RBFOX1: variants seen among roughly 807,000 people sequenced by gnomAD.
RBFOX1 encodes the protein RNA binding fox-1 homolog 1, also known as RNA binding protein fox-1 homolog 1.
In RBFOX1, 8 loss-of-function variants were observed where a neutral mutation model predicts 57.7. That is an observed-to-expected ratio of 0.14 (90% CI 0.08 to 0.25). The LOEUF (loss-of-function observed/expected upper bound fraction) is 0.25, where lower values mean the gene tolerates loss of function less well. Among genes scored for constraint, RBFOX1 ranks in the 10% least tolerant of loss-of-function variants. The probability of loss-of-function intolerance (pLI) is 1.00; values close to 1 mark genes in which losing one functional copy is unlikely to be tolerated. For missense variants in RBFOX1, 611 were observed against 548.5 expected (o/e 1.11, Z -1.14); for synonymous variants, 326 against 222.4 (o/e 1.47, Z -4.15).
chr16:7,190,109 C>G (rs957657817), intron 4 of RBFOX1, among the ~76,000 whole-genome samples: 2 of 152,156 alleles, frequency 1.3e-5, no homozygotes, highest in Non-Finnish European at 2.9e-5. Context: ...TCCTGTAATC[C>G]CAGAACTTTG....
At chr16:5,571,101 A>G (rs948203247) in intron 2 of RBFOX1, among the ~76,000 whole-genome samples, 1 of 151,144 alleles carries the variant, frequency 6.6e-6, no homozygotes, top group Non-Finnish European at 1.5e-5. Context: ...TCCCCTGATC[A>G]CTCCCCCAGC....
At chr16:5,273,126 G>C (rs1460338127) in intron 1 of RBFOX1, among the ~76,000 whole-genome samples, 1 of 152,106 alleles carries the variant, frequency 6.6e-6, no homozygotes, top group Non-Finnish European at 1.5e-5. Flanking sequence ...GGTTTCCAGT[G>C]CCAGCTTGTT....
rs548162081 is a variant in RBFOX1 at position 5,593,534 on chromosome 16, A to T, written c.259-5368A>T. On this transcript the variant is annotated intron_variant, in intron 2 of 2. Coordinates refer to the RBFOX1 transcript ENST00000585867. ...TCTGATAAAACAGTTTGCAGTGGAGAAGTTGGCCAAAACCCACCAAAACCA... is the reference window on the plus strand; with the variant it reads ...TCTGATAAAACAGTTTGCAGTGGAGTAGTTGGCCAAAACCCACCAAAACCA... Among the ~76,000 whole-genome samples the T allele has an allele frequency of 2.6e-5, 4 of 152,282 alleles. No homozygotes were observed. In the East Asian group the frequency reaches 7.7e-4, roughly 29 times the overall value.
chr16:7,214,737 A>G (rs1251271618), intron 4 of RBFOX1, among the ~76,000 whole-genome samples: 1 of 151,984 alleles, frequency 6.6e-6, no homozygotes, highest in Non-Finnish European at 1.5e-5. Flanking sequence ...TTTGCTCTCC[A>G]GCCTAATTTT....
At chr16:6,775,947 C>G (rs568053066) in intron 3 of RBFOX1, 1 of 152,316 alleles carries the variant, frequency 6.6e-6, no homozygotes, top group East Asian at 1.9e-4. Context: ...GAATGGCTAA[C>G]CAGGGATTGT....
intron 3 of RBFOX1, among the ~76,000 whole-genome samples, chr16:6,804,499 G>T (rs1256886929): frequency 6.6e-6 from 1 of 152,094 alleles, no homozygotes; most frequent in Non-Finnish European, 1.5e-5. Context: ...ACAGCTCTAG[G>T]TGCATAAATA....
intron 4 of RBFOX1, among the ~76,000 whole-genome samples, chr16:5,973,812 G>A (rs977742837): frequency 1.3e-5 from 2 of 152,140 alleles, no homozygotes; most frequent in Non-Finnish European, 2.9e-5. Flanking sequence ...TGTCTCTTCT[G>A]CTAAAATTAT....
intron 3 of RBFOX1, among the ~76,000 whole-genome samples, chr16:6,871,543 C>T (rs921378607): frequency 6.6e-6 from 1 of 152,066 alleles, no homozygotes; most frequent in African/African-American, 2.4e-5. Context: ...AGATCAACTC[C>T]AGTGGTTTAT....
intron 1 of RBFOX1, among the ~76,000 whole-genome samples, chr16:6,142,410 A>T (rs2096725275): frequency 6.6e-6 from 1 of 151,656 alleles, no homozygotes; most frequent in South Asian, 2.1e-4. Context: ...TTTAGTAGAG[A>T]TGGGGTTTCA....
At position 7,461,664 on chromosome 16, in the gene RBFOX1, C is replaced by G. The variant is rs75702752; in HGVS notation, c.28-56483C>G. Among the ~76,000 whole-genome samples, 167 of 152,236 alleles carry G rather than the reference C, an allele frequency of 1.1e-3. 7 individuals carry two copies. The East Asian group carries it at 0.03, about 28-fold the overall frequency. On this transcript the variant is annotated intron_variant, in intron 4 of 15. Transcript: ENST00000550418. The stretch of plus-strand genomic sequence containing the variant: ...CGTTTTCTTGGAATTCATAACAACC[C>G]CATTCACTGGGTTGAGCAAATATTA...
chr16:6,925,296 T>C (rs1366385294), intron 3 of RBFOX1, among the ~76,000 whole-genome samples: 1 of 149,568 alleles, frequency 6.7e-6, no homozygotes, highest in African/African-American at 2.5e-5. Context: ...ACCATGCCCA[T>C]TTAACTTTTG....
At chr16:6,736,731 C>T (rs2070429413) in intron 3 of RBFOX1, among the ~76,000 whole-genome samples, 1 of 152,166 alleles carries the variant, frequency 6.6e-6, no homozygotes, top group Non-Finnish European at 1.5e-5. Flanking sequence ...TAATGAATCT[C>T]CACACTGGGA....
At chr16:6,847,773 C>G (rs748272855) in intron 3 of RBFOX1, among the ~76,000 whole-genome samples, 12 of 152,006 alleles carry the variant, frequency 7.9e-5, no homozygotes, top group Admixed American at 3.9e-4. Context: ...TCACGTGTGG[C>G]TTAGAAATTA....
In RBFOX1 at chr16:7,000,959, A is replaced by T. The variant is rs1023512633; in HGVS notation, c.-15-51098A>T. On this transcript the variant is annotated intron_variant, in intron 3 of 15. Transcript: ENST00000550418. ...TAGGAACCACATAATGCTTTTCTTT[A>T]TTGAAGTCCTTTTTGGAAATTTTTA... 5.3e-5 allele frequency among the ~76,000 whole-genome samples: 8 copies of T among 152,198 alleles called. No homozygotes were observed. The East Asian group carries it at 1.2e-3, about 22-fold the overall frequency.
chr16:7,300,145 G>A (rs2095997128), intron 4 of RBFOX1, among the ~76,000 whole-genome samples: 1 of 152,102 alleles, frequency 6.6e-6, no homozygotes, highest in African/African-American at 2.4e-5. Flanking sequence ...TGCCTGCTAT[G>A]CTTCCCACAG....
chr16:6,870,216 G>C (rs545223160), intron 3 of RBFOX1, among the ~76,000 whole-genome samples: 2 of 152,242 alleles, frequency 1.3e-5, no homozygotes, highest in East Asian at 1.9e-4. Context: ...TTTGCAGGCA[G>C]AGCCAAGAGA....
At position 5,750,955 on chromosome 16, in the gene RBFOX1, G is replaced by A. The variant is rs557437364; in HGVS notation, c.319-116348G>A. Among the ~76,000 whole-genome samples, 25 of 152,278 alleles carry A rather than the reference G, an allele frequency of 1.6e-4. No individual in the cohort carries two copies. The South Asian group carries it at 4.6e-3, about 28-fold the overall frequency. ...ATTACCTGTCTTCTGCGTTGCTCAC[G>A]CTGGGAGCTGTAGACTGGAGCTGTT... On this transcript the variant is annotated intron_variant, in intron 3 of 19. Coordinates refer to the RBFOX1 transcript ENST00000641259.
chr16:6,958,270 C>G (rs916856254), intron 3 of RBFOX1, among the ~76,000 whole-genome samples: 15 of 152,170 alleles, frequency 9.9e-5, no homozygotes, highest in African/African-American at 2.9e-4. Context: ...CTGGGCAATG[C>G]TTTGCTTTAT....
intron 1 of RBFOX1, among the ~76,000 whole-genome samples, chr16:5,369,028 G>A (rs1220531409): frequency 1.3e-5 from 2 of 152,202 alleles, no homozygotes; most frequent in East Asian, 3.9e-4. Context: ...TTTGAGACGA[G>A]TCTTGCTCTG....
Sources: gnomAD v4.1 joint callset for allele counts (sites outside exome capture counted in the v4.1 genomes callset) on GRCh38, gnomAD v4.1.1 for gene constraint, MANE v1.5 for transcripts, NCBI Gene and HGNC (gene_info 2026-07-23, HGNC 2026-07-21) for gene names.